Variants in INPP5A observed in about 807,000 individuals in gnomAD.
The protein encoded by INPP5A is inositol polyphosphate-5-phosphatase A.
INPP5A carries 14 observed loss-of-function variants against 65.2 expected under a neutral mutation model. That is an observed-to-expected ratio of 0.21 (90% confidence interval 0.14 to 0.34). The LOEUF (loss-of-function observed/expected upper bound fraction) is 0.34, where lower values mean the gene tolerates loss of function less well. Ranked by LOEUF, INPP5A falls within the 10% of genes least tolerant of loss-of-function variation. INPP5A has a pLI of 1.00. For missense variants in INPP5A, 431 were observed against 545.6 expected (o/e 0.79, Z 2.09); for synonymous variants, 207 against 208.3 (o/e 0.99, Z 0.05).
At chr10:132,564,868 C>G (rs755600424) in intron 1 of INPP5A, among the ~76,000 whole-genome samples, 4 of 152,042 alleles carry the variant, frequency 2.6e-5, no homozygotes, top group African/African-American at 9.7e-5. Context: ...GTTGCATGCC[C>G]CCGTATGCCT....
Position 132,538,993 on chromosome 10 carries a change from A to G in INPP5A, c.75+822A>G, listed in dbSNP as rs761949950. Among the ~76,000 whole-genome samples the G allele has an allele frequency of 3.0e-4, 46 of 152,016 alleles. No individual in the cohort carries two copies. The highest frequency in any genetic ancestry group is 6.2e-4 in the Non-Finnish European group (42 of 67,988). ...CTGAACCTGGAACCCTGGTTCCAGA[A>G]TCAGGCCCCAAACCCAATTCTGGAC... On this transcript the variant is annotated intron_variant, in intron 1 of 15. Transcript: ENST00000368594. This position sits in a 1 kb window ranked among gnomAD's most constrained non-coding sequence, Gnocchi z 4.1.
In INPP5A at chr10:132,537,930, G is replaced by C; in HGVS notation, c.-167G>C. The C allele has an allele frequency of 5.5e-6, 1 of 180,374 alleles. No individual in the cohort carries two copies. Among genetic ancestry groups the C allele is most frequent in the Non-Finnish European group, 1.1e-5 (1 of 88,794 alleles). The allele number at this position is 180,374 out of a possible 1,614,324, so 11.2% of individuals were successfully genotyped here. A position where few individuals can be genotyped will look rare whatever the true frequency, so the allele number is the denominator to read the frequency against. ...GAGCGAGCGAGCGAGCGCGAGGCCG[G>C]AGCCCCGGCCAGGCCCGGCCGACCC... On this transcript the variant is annotated 5_prime_UTR_variant, in exon 1 of 16. Coordinates refer to ENST00000368594, the MANE Select transcript of INPP5A (RefSeq NM_005539.5).
intron 6 of INPP5A, among the ~76,000 whole-genome samples, chr10:132,702,919 G>A (rs1845459488): frequency 6.6e-6 from 1 of 152,198 alleles, no homozygotes; most frequent in African/African-American, 2.4e-5. Context: ...GTGGGCTTGG[G>A]GGAGTGGCAG....
rs1008351631 is a variant in INPP5A at position 132,545,688 on chromosome 10, T to G, written c.75+7517T>G. ...CCTTCCTTTGCTCGGTTTCATTAAT[T>G]GGGATACTTGGGAATCTCAGAGCCC... On this transcript the variant is annotated intron_variant, in intron 1 of 15. Transcript: ENST00000368594. The surrounding 1 kb of genome is among the most constrained non-coding windows in gnomAD (Gnocchi z 4.6). Among the ~76,000 whole-genome samples, 10 of 152,224 alleles carry G rather than the reference T, an allele frequency of 6.6e-5. No individual in the cohort carries two copies. The highest frequency in any genetic ancestry group is 2.2e-4 in the African/African-American group (9 of 41,456).
At chr10:132,778,127 T>A (rs1044477374) in intron 13 of INPP5A, among the ~76,000 whole-genome samples, 1 of 152,160 alleles carries the variant, frequency 6.6e-6, no homozygotes, top group African/African-American at 2.4e-5. Flanking sequence ...GTTCCAGCGC[T>A]CATGGGCTGG....
intron 9 of INPP5A, among the ~76,000 whole-genome samples, chr10:132,737,323 G>A (rs542286312): frequency 9.2e-5 from 14 of 152,302 alleles, no homozygotes; most frequent in African/African-American, 3.1e-4. Flanking sequence ...TAGAGCCTCA[G>A]CACCGTCTCC....
chr10:132,778,345 A>T (rs1177048990), intron 13 of INPP5A, among the ~76,000 whole-genome samples: 2 of 102,550 alleles, frequency 2.0e-5, no homozygotes. Flanking sequence ...AAAAGAGGTG[A>T]TAGGGGCTTG....
intron 8 of INPP5A, among the ~76,000 whole-genome samples, chr10:132,719,795 C>T (rs189530893): frequency 5.7e-4 from 86 of 150,680 alleles, no homozygotes; most frequent in African/African-American, 2.0e-3. Context: ...CTTGTGGGTT[C>T]TGTGGTGCCT....
chr10:132,692,900 AT>A (rs1845290569), intron 5 of INPP5A, among the ~76,000 whole-genome samples: 1 of 152,158 alleles, frequency 6.6e-6, no homozygotes. Context: ...AATGAAATAT[AT>A]TTTTCTTACC....
rs184747108 is a variant in INPP5A, at chr10:132,603,906, G to A, written c.76-4009G>A. ...CTGCATCACCTGAGTTCTGCCCTGC[G>A]CCGTCAGGGTCCCCTCTCCGTCCAG... On this transcript the variant is annotated intron_variant, in intron 1 of 15. Coordinates refer to ENST00000368594, the MANE Select transcript of INPP5A (RefSeq NM_005539.5). The surrounding 1 kb of genome is among the most constrained non-coding windows in gnomAD (Gnocchi z 4.2). Among the ~76,000 whole-genome samples, 376 of 151,582 alleles carry A rather than the reference G, an allele frequency of 2.5e-3. 2 individuals are homozygous for A. The highest frequency in any genetic ancestry group is 4.3e-3 in the Non-Finnish European group (295 of 67,822).
intron 2 of INPP5A, among the ~76,000 whole-genome samples, chr10:132,631,883 C>T (rs1281947778): frequency 6.6e-6 from 1 of 152,220 alleles, no homozygotes; most frequent in African/African-American, 2.4e-5. Flanking sequence ...AAGGTAGGAG[C>T]ACCTGCTTTT....
Position 132,650,300 on chromosome 10 carries a change from G to A in INPP5A, c.219-118G>A, listed in dbSNP as rs1590894764. ...TCCCTGCCCTCTGCCTGTCACGGGT[G>A]GATGGTCTCACGGTGATGTACCTAT... is the stretch of plus-strand genomic sequence containing the variant. On this transcript the variant is annotated intron_variant, in intron 3 of 15. Transcript: ENST00000368594. This position sits in a 1 kb window ranked among gnomAD's most constrained non-coding sequence, Gnocchi z 5.5. 3 of 701,308 alleles carry A rather than the reference G, an allele frequency of 4.3e-6. No homozygotes were observed. The East Asian group carries it at 7.9e-5, about 19-fold the overall frequency. The allele number at this position is 701,308 out of a possible 1,614,324, so 43.4% of individuals were successfully genotyped here. A position where few individuals can be genotyped will look rare whatever the true frequency, so the allele number is the denominator to read the frequency against.
intron 1 of INPP5A, among the ~76,000 whole-genome samples, chr10:132,541,178 G>A (rs940196272): frequency 5.3e-5 from 8 of 152,136 alleles, no homozygotes; most frequent in African/African-American, 1.2e-4. Context: ...AGGTTTCGCC[G>A]TGTTGTCCGG....
At chr10:132,662,743 A>G (rs7910850) in intron 4 of INPP5A, among the ~76,000 whole-genome samples, 137,074 of 152,180 alleles carry the variant, frequency 0.9, 61,808 homozygotes, top group East Asian at 1. Context: ...CCCCACCCGC[A>G]CTCCAGCCTG....
intron 9 of INPP5A, 132 bp from the exon 10 acceptor site, chr10:132,749,385 C>T (rs1453946612): frequency 6.5e-6 from 5 of 766,776 alleles, no homozygotes; most frequent in East Asian, 2.7e-5. Flanking sequence ...ACCCCAGGTG[C>T]GGAAATCTGG....
intron 9 of INPP5A, among the ~76,000 whole-genome samples, chr10:132,748,094 T>G (rs1564997202): frequency 6.6e-6 from 1 of 152,170 alleles, no homozygotes; most frequent in Non-Finnish European, 1.5e-5. Flanking sequence ...TGAGGTATAA[T>G]TTACACACAA....
intron 12 of INPP5A, among the ~76,000 whole-genome samples, chr10:132,770,289 C>T (rs539754911): frequency 2.3e-4 from 35 of 152,372 alleles, no homozygotes; most frequent in Non-Finnish European, 4.1e-4. Context: ...CCCAAGTCAC[C>T]GCAGTGTCGC....
intron 4 of INPP5A, among the ~76,000 whole-genome samples, chr10:132,655,113 GC>G (rs541887765): frequency 7.1e-4 from 108 of 152,368 alleles, no homozygotes; most frequent in African/African-American, 2.4e-3. Flanking sequence ...CCCAGGCTGA[GC>G]CCCGAGCTCT....
chr10:132,743,909 C>T (rs770165913), intron 9 of INPP5A, among the ~76,000 whole-genome samples: 5 of 152,218 alleles, frequency 3.3e-5, no homozygotes, highest in Admixed American at 2.0e-4. Context: ...TTCACTCTGG[C>T]GCAGACAGAC....
Sources: allele counts gnomAD v4.1 joint callset (sites outside exome capture counted in the v4.1 genomes callset), GRCh38; gene constraint gnomAD v4.1.1; non-coding constraint Gnocchi (gnomAD v3.1); transcripts MANE v1.5; gene names NCBI Gene and HGNC (gene_info 2026-07-23, HGNC 2026-07-21).